Variants in SHROOM4 observed in about 807,000 individuals in gnomAD.
SHROOM4 encodes the protein shroom family member 4, also known as protein Shroom4.
SHROOM4 carries 17 observed loss-of-function variants against 80.3 expected under a neutral mutation model. The observed-to-expected ratio is 0.21, with a 90% confidence interval of 0.14 to 0.32. The LOEUF (loss-of-function observed/expected upper bound fraction) is 0.32, where lower values mean the gene tolerates loss of function less well. SHROOM4 is among the 10% of genes least tolerant of loss of function. The probability of loss-of-function intolerance (pLI) is 1.00; values close to 1 mark genes in which losing one functional copy is unlikely to be tolerated. For synonymous variants in SHROOM4, 400 were observed against 437.5 expected, an observed-to-expected ratio of 0.91 and a Z score of 1.07; for missense variants, 993 against 1,140.3, an observed-to-expected ratio of 0.87 and a Z score of 1.86.
At position 50,590,100 on chromosome X, in the gene SHROOM4, C is replaced by T. The variant is rs1928837586; in HGVS notation, c.*6595G>A. 9.0e-6 allele frequency among the ~76,000 whole-genome samples: 1 copy of T among 111,536 alleles called. No individual in the cohort carries two copies. Among genetic ancestry groups the T allele is most frequent in the Admixed American group, 9.5e-5 (1 of 10,472 alleles). The stretch of plus-strand genomic sequence containing the variant: ...GCTATAAGCTGAATGTTTGTGTCCT[C>T]TCCAAACTCACATGCTGAAGCCCTA... On this transcript the variant is annotated 3_prime_UTR_variant, in exon 9 of 9. Transcript: ENST00000376020.
At chrX:50,669,678 A>C (rs1557260644) in intron 2 of SHROOM4, among the ~76,000 whole-genome samples, 1 of 111,760 alleles carries the variant, frequency 8.9e-6, no homozygotes, top group African/African-American at 3.3e-5. Context: ...AATATCCTAA[A>C]TCCCTTGTTG....
chrX:50,734,298 C>T (rs1934432119), intron 1 of SHROOM4, among the ~76,000 whole-genome samples: 1 of 111,967 alleles, frequency 8.9e-6, no homozygotes, highest in Non-Finnish European at 1.9e-5. Context: ...CCCAGAATTA[C>T]AAGGGACCCA....
intron 1 of SHROOM4, among the ~76,000 whole-genome samples, chrX:50,734,420 T>A (rs1241744392): frequency 9.0e-6 from 1 of 111,048 alleles, no homozygotes; most frequent in Non-Finnish European, 1.9e-5. Context: ...TTTTTTCTTA[T>A]TTATTTATTT....
chrX:50,782,696 G>T (rs979059612), intron 1 of SHROOM4, among the ~76,000 whole-genome samples: 9 of 112,221 alleles, frequency 8.0e-5, no homozygotes, highest in African/African-American at 2.9e-4. Flanking sequence ...AGGAAATCTT[G>T]CAATATGCAA....
intron 1 of SHROOM4, among the ~76,000 whole-genome samples, chrX:50,745,119 C>T (rs931941431): frequency 9.0e-5 from 10 of 111,688 alleles, no homozygotes; most frequent in Admixed American, 8.6e-4. Flanking sequence ...GTGTGTACAG[C>T]CTTCCAGACC....
chrX:50,638,379 C>A, intron 2 of SHROOM4, 71 bp from the exon 3 acceptor site: 1 of 1,159,212 alleles, frequency 8.6e-7, no homozygotes, highest in Non-Finnish European at 1.2e-6. Flanking sequence ...GCAGCTTCCG[C>A]CCCACCCCCT....
intron 1 of SHROOM4, among the ~76,000 whole-genome samples, chrX:50,745,764 ATCT>A (rs1934761622): frequency 9.0e-6 from 1 of 111,627 alleles, no homozygotes; most frequent in African/African-American, 3.3e-5. Context: ...CCTGGAATAA[ATCT>A]TCTGCAACAT....
intron 1 of SHROOM4, among the ~76,000 whole-genome samples, chrX:50,697,929 AAG>A (rs1192920166): frequency 4.5e-5 from 5 of 112,247 alleles, no homozygotes; most frequent in African/African-American, 1.6e-4. Flanking sequence ...AGCCATTTGA[AAG>A]AGTTTCCCGA....
chrX:50,588,184 A>G lies in SHROOM4; in HGVS notation c.*8511T>C. Among the ~76,000 whole-genome samples, 1 of 111,425 alleles carries G rather than the reference A, an allele frequency of 9.0e-6. No homozygotes were observed. Among genetic ancestry groups the G allele is most frequent in the South Asian group, 3.8e-4 (1 of 2,613 alleles). ...ATCAGATGGTAGTATTGAGCTTGCC[A>G]GAAAATTTTACTTACAGTGGGGAAC... On this transcript the variant is annotated 3_prime_UTR_variant, in exon 9 of 9. Transcript: ENST00000376020.
chrX:50,797,759 G>T (rs1157594025), intron 1 of SHROOM4, among the ~76,000 whole-genome samples: 1 of 111,427 alleles, frequency 9.0e-6, no homozygotes, highest in Admixed American at 9.5e-5. Context: ...GAGGATTCAG[G>T]AAGACAGGCA....
At chrX:50,760,044 G>GCCC (rs1207849428) in intron 1 of SHROOM4, among the ~76,000 whole-genome samples, 1 of 111,214 alleles carries the variant, frequency 9.0e-6, no homozygotes, top group Non-Finnish European at 1.9e-5. Flanking sequence ...CTGTGGTTGG[G>GCCC]TGGAGTGGTC....
the SHROOM4 span, among the ~76,000 whole-genome samples, chrX:50,576,873 C>T: frequency 3.6e-5 from 4 of 111,243 alleles, no homozygotes; most frequent in Non-Finnish European, 7.5e-5. Flanking sequence ...CTATTCTTCC[C>T]CCATTTATAA....
rs1056350098 is a variant in SHROOM4 at position 50,618,385 on chromosome X, T to A, written c.2957+9229A>T. 5.8e-4 allele frequency among the ~76,000 whole-genome samples: 37 copies of A among 63,559 alleles called. 1 individual carries two copies. The highest frequency in any genetic ancestry group is 2.3e-3 in the African/African-American group (34 of 14,919). The allele number at this position is 63,559 out of a possible 115,157, so 55.2% of individuals were successfully genotyped here. A position where few individuals can be genotyped will look rare whatever the true frequency, so the allele number is the denominator to read the frequency against. On this transcript the variant is annotated intron_variant, in intron 5 of 8. Coordinates refer to ENST00000376020, the MANE Select transcript of SHROOM4 (RefSeq NM_020717.5). Reference sequence around the variant, plus strand: ...CTTCCTTCCTTCCTTCCTTCCTTCCTTCCTTCCTTCCTTCCTTCCTTCCTT... The same window carrying A: ...CTTCCTTCCTTCCTTCCTTCCTTCCATCCTTCCTTCCTTCCTTCCTTCCTT...
intron 2 of SHROOM4, among the ~76,000 whole-genome samples, chrX:50,678,535 G>T (rs191683211): frequency 1.8e-5 from 2 of 110,889 alleles, no homozygotes; most frequent in East Asian, 5.7e-4. Flanking sequence ...CTATACATTG[G>T]GCAGTGGGGC....
intron 1 of SHROOM4, among the ~76,000 whole-genome samples, chrX:50,810,979 A>G (rs1327307271): frequency 8.9e-6 from 1 of 111,964 alleles, no homozygotes; most frequent in African/African-American, 3.3e-5. Context: ...CTCACTCTGC[A>G]GCAACACTTC....
chrX:50,729,252 G>A (rs938354937), intron 1 of SHROOM4, among the ~76,000 whole-genome samples: 7 of 111,219 alleles, frequency 6.3e-5, no homozygotes, highest in Middle Eastern at 9.3e-3. Context: ...TTAAACAACT[G>A]AAAGAAAGCA....
intron 1 of SHROOM4, among the ~76,000 whole-genome samples, chrX:50,709,878 A>T (rs1313442365): frequency 5.3e-5 from 6 of 112,150 alleles, no homozygotes; most frequent in African/African-American, 1.9e-4. Context: ...GACTCACCCT[A>T]GGTCAAATGA....
chrX:50,787,782 AACCCACC>A (rs1414143883), intron 1 of SHROOM4, among the ~76,000 whole-genome samples: 3 of 108,920 alleles, frequency 2.8e-5, no homozygotes, highest in Admixed American at 9.8e-5. Context: ...AAAAAAAAAA[AACCCACC>A]AGCAACTAAG....
intron 5 of SHROOM4, among the ~76,000 whole-genome samples, chrX:50,623,480 G>A (rs1249322613): frequency 9.0e-6 from 1 of 111,626 alleles, no homozygotes; most frequent in Non-Finnish European, 1.9e-5. Context: ...GAGCCACCGC[G>A]CCGGGCCCCT....
Sources: gnomAD v4.1 joint callset for allele counts (sites outside exome capture counted in the v4.1 genomes callset) on GRCh38, gnomAD v4.1.1 for gene constraint, MANE v1.5 for transcripts, NCBI Gene and HGNC (gene_info 2026-07-23, HGNC 2026-07-21) for gene names.